The following PDE8B variants were observed in gnomAD, a reference collection of about 807,000 sequenced individuals.
PDE8B encodes the protein high affinity cAMP-specific and IBMX-insensitive 3',5'-cyclic phosphodiesterase 8B.
PDE8B carries 26 observed loss-of-function variants against 101.3 expected under a neutral mutation model. The observed-to-expected ratio is 0.26, with a 90% CI of 0.19 to 0.36. PDE8B has a LOEUF of 0.36. Among genes scored for constraint, PDE8B ranks in the 10% least tolerant of loss-of-function variants. The pLI is 1.00. For missense variants in PDE8B, 810 were observed against 1,163.1 expected (o/e 0.70, Z 4.42); for synonymous variants, 424 against 429.3 (o/e 0.99, Z 0.15).
At chr5:77,404,070 C>T (rs1282187451) in intron 11 of PDE8B, among the ~76,000 whole-genome samples, 1 of 152,162 alleles carries the variant, frequency 6.6e-6, no homozygotes, top group Non-Finnish European at 1.5e-5. Context: ...TGCATGCAAC[C>T]TCTGCGTGCT....
At chr5:77,366,079 G>C (rs1382338785) in intron 10 of PDE8B, among the ~76,000 whole-genome samples, 5 of 151,920 alleles carry the variant, frequency 3.3e-5, no homozygotes, top group Admixed American at 2.6e-4. Flanking sequence ...TTTGTTTTTT[G>C]TTTTTGTTTT....
intron 5 of PDE8B, among the ~76,000 whole-genome samples, chr5:77,336,046 C>T (rs1467466193): frequency 1.3e-5 from 2 of 152,156 alleles, no homozygotes; most frequent in Non-Finnish European, 2.9e-5. Flanking sequence ...CCTCTTTAAA[C>T]GCGGGACTTG....
At chr5:77,282,836 T>C (rs1045916749) in intron 1 of PDE8B, among the ~76,000 whole-genome samples, 36 of 151,956 alleles carry the variant, frequency 2.4e-4, no homozygotes, top group South Asian at 1.5e-3. Context: ...GAAGTCATCC[T>C]GGATAAGCTG....
At chr5:77,191,648 C>T in the PDE8B span, among the ~76,000 whole-genome samples, 10 of 152,130 alleles carry the variant, frequency 6.6e-5, no homozygotes, top group African/African-American at 1.4e-4. Context: ...CCACTGTGCC[C>T]GGCCAAAACA....
intron 1 of PDE8B, among the ~76,000 whole-genome samples, chr5:77,239,740 G>A (rs1755369518): frequency 1.3e-5 from 2 of 152,118 alleles, no homozygotes; most frequent in Non-Finnish European, 2.9e-5. Context: ...GGCTCCTCTA[G>A]CTTTAGCTGT....
chr5:77,366,355 C>T lies in PDE8B; in HGVS notation c.1167+12949C>T, dbSNP rs553951736. Among the ~76,000 whole-genome samples, 5 of 152,342 alleles carry T rather than the reference C, an allele frequency of 3.3e-5. No individual in the cohort carries two copies. In the South Asian group the frequency reaches 1.0e-3, roughly 32 times the overall value. Reference sequence around the variant, plus strand: ...AGGAGATGCAGCAAACGGCTGCCCCCTTTAGCCACAGAAGCACAGTGTTCT... The same window carrying T: ...AGGAGATGCAGCAAACGGCTGCCCCTTTTAGCCACAGAAGCACAGTGTTCT... On this transcript the variant is annotated intron_variant, in intron 10 of 21. Transcript: ENST00000264917.
chr5:77,189,907 A>G, the PDE8B span, among the ~76,000 whole-genome samples: 2 of 152,238 alleles, frequency 1.3e-5, no homozygotes, highest in African/African-American at 2.4e-5. Context: ...CCAGAATGGT[A>G]GCAGTGAAGA....
At chr5:77,277,227 A>C (rs898694192) in intron 1 of PDE8B, among the ~76,000 whole-genome samples, 1 of 152,206 alleles carries the variant, frequency 6.6e-6, no homozygotes, top group Admixed American at 6.5e-5. Flanking sequence ...ACCTGCATAC[A>C]TTCTTTTTAT....
chr5:77,304,254 A>G (rs1409326652), intron 1 of PDE8B, among the ~76,000 whole-genome samples: 1 of 152,204 alleles, frequency 6.6e-6, no homozygotes, highest in Admixed American at 6.5e-5. Context: ...GTAAGATAGT[A>G]TCTCATTGTA....
the PDE8B span, among the ~76,000 whole-genome samples, chr5:77,115,654 A>G: frequency 6.6e-6 from 1 of 152,226 alleles, no homozygotes; most frequent in Non-Finnish European, 1.5e-5. Context: ...GGACCTGAGG[A>G]TGATCTACTT....
intron 10 of PDE8B, among the ~76,000 whole-genome samples, chr5:77,363,509 C>T (rs187128390): frequency 1.9e-3 from 290 of 151,964 alleles, no homozygotes; most frequent in Non-Finnish European, 3.1e-3. Context: ...GTCAGGAGTT[C>T]GAGACCAGTC....
In PDE8B at chr5:77,291,252, A is replaced by G. The variant is rs1037550471; in HGVS notation, c.340-20742A>G. 14 of 1,612,410 alleles carry G rather than the reference A, an allele frequency of 8.7e-6. No homozygotes were observed. The African/African-American group carries it at 1.7e-4, about 20-fold the overall frequency. On this transcript the variant is annotated intron_variant, in intron 1 of 21. Coordinates refer to ENST00000264917, the MANE Select transcript of PDE8B (RefSeq NM_003719.5). The stretch of plus-strand genomic sequence containing the variant: ...CAGACTTAAAAAGGCCTACGCACAG[A>G]TCCGAGTTGGGAACCCATGGGACCC...
intron 1 of PDE8B, among the ~76,000 whole-genome samples, chr5:77,247,545 G>T (rs755342416): frequency 1.8e-4 from 28 of 152,142 alleles, no homozygotes; most frequent in Admixed American, 7.2e-4. Context: ...TGGCTGCTCT[G>T]CATGTTCATC....
chr5:77,339,832 C>T (rs1778885316), intron 6 of PDE8B, among the ~76,000 whole-genome samples: 1 of 152,064 alleles, frequency 6.6e-6, no homozygotes, highest in South Asian at 2.1e-4. Flanking sequence ...ACCATATTTA[C>T]TTAACCGAGA....
At chr5:77,252,090 G>A (rs1758175200) in intron 1 of PDE8B, among the ~76,000 whole-genome samples, 1 of 152,202 alleles carries the variant, frequency 6.6e-6, no homozygotes, top group Non-Finnish European at 1.5e-5. Flanking sequence ...TGCTGAGTGT[G>A]GGGTGTTGTC....
At chr5:77,283,821 A>G (rs576269018) in intron 1 of PDE8B, among the ~76,000 whole-genome samples, 5 of 152,232 alleles carry the variant, frequency 3.3e-5, no homozygotes, top group Non-Finnish European at 7.3e-5. Flanking sequence ...TTGTGTAGAC[A>G]TAAATTTTCA....
chr5:77,390,182 A>G (rs1026448813), intron 10 of PDE8B, among the ~76,000 whole-genome samples: 1 of 152,230 alleles, frequency 6.6e-6, no homozygotes, highest in South Asian at 2.1e-4. Context: ...AATCATGCAC[A>G]CATACACACA....
At chr5:77,290,832 T>A in intron 1 of PDE8B, 1 of 1,523,086 alleles carries the variant, frequency 6.6e-7, no homozygotes, top group Non-Finnish European at 9.1e-7. Context: ...TGTCTGCCTC[T>A]GGAAAGGAGC....
intron 3 of PDE8B, among the ~76,000 whole-genome samples, chr5:77,325,974 T>G (rs534705817): frequency 6.6e-6 from 1 of 152,154 alleles, no homozygotes; most frequent in Non-Finnish European, 1.5e-5. Flanking sequence ...CCCTGATAAC[T>G]TCAGGGTATT....
Sources: allele counts gnomAD v4.1 joint callset (sites outside exome capture counted in the v4.1 genomes callset), GRCh38; gene constraint gnomAD v4.1.1; transcripts MANE v1.5; gene names NCBI Gene and HGNC (gene_info 2026-07-23, HGNC 2026-07-21).